Variants in CDK5RAP2 observed in about 807,000 individuals in gnomAD.
The protein encoded by CDK5RAP2 is CDK5 regulatory subunit-associated protein 2.
A neutral mutation model predicts 232.9 loss-of-function variants in CDK5RAP2; 147 were observed. That is an observed-to-expected ratio of 0.63 (90% confidence interval 0.55 to 0.72). CDK5RAP2 has a LOEUF of 0.72. Among genes scored for constraint, CDK5RAP2 ranks in the 30% least tolerant of loss-of-function variants. The probability of loss-of-function intolerance (pLI) is 0.00; values close to 1 mark genes in which losing one functional copy is unlikely to be tolerated. For missense variants in CDK5RAP2, 2,195 were observed against 2,231.5 expected, an observed-to-expected ratio of 0.98 and a Z score of 0.33; for synonymous variants, 833 against 833.7, an observed-to-expected ratio of 1.00 and a Z score of 0.01.
chr9:120,452,586 C>T (rs1042198562), intron 21 of CDK5RAP2, among the ~76,000 whole-genome samples: 1 of 151,712 alleles, frequency 6.6e-6, no homozygotes, highest in Admixed American at 6.6e-5. Flanking sequence ...GGATTCTTGG[C>T]CGTGGGGGGG....
At chr9:120,561,390 A>G (rs1424710970) in intron 3 of CDK5RAP2, among the ~76,000 whole-genome samples, 1 of 152,008 alleles carries the variant, frequency 6.6e-6, no homozygotes, top group Non-Finnish European at 1.5e-5. Context: ...TCAACCTCCC[A>G]GGCTCAAGCA....
intron 13 of CDK5RAP2, among the ~76,000 whole-genome samples, chr9:120,490,089 G>T (rs1022480418): frequency 3.3e-5 from 5 of 152,162 alleles, no homozygotes; most frequent in African/African-American, 1.2e-4. Context: ...TTTCAGGCGT[G>T]AGCCACCACG....
intron 25 of CDK5RAP2, among the ~76,000 whole-genome samples, chr9:120,432,440 G>A (rs1189361546): frequency 6.6e-6 from 1 of 151,904 alleles, no homozygotes; most frequent in Non-Finnish European, 1.5e-5. Flanking sequence ...TTTTTTAAAG[G>A]CTATATTTAA....
chr9:120,566,119 C>T (rs2042638171), intron 3 of CDK5RAP2, among the ~76,000 whole-genome samples: 1 of 152,174 alleles, frequency 6.6e-6, no homozygotes, highest in African/African-American at 2.4e-5. Context: ...AGTATCTCAG[C>T]CCCCTCCTTA....
At chr9:120,497,759 G>A (rs1033554269) in intron 12 of CDK5RAP2, among the ~76,000 whole-genome samples, 14 of 152,182 alleles carry the variant, frequency 9.2e-5, no homozygotes, top group African/African-American at 3.4e-4. Context: ...GCTGAGTGTT[G>A]GGAGAAGCTG....
chr9:120,456,934 T>C (rs769749298), intron 20 of CDK5RAP2, among the ~76,000 whole-genome samples: 6 of 152,238 alleles, frequency 3.9e-5, no homozygotes, highest in South Asian at 2.1e-4. Flanking sequence ...AAGCTATCAC[T>C]ATAAGCAGAA....
At chr9:120,513,156 T>C (rs908161628) in intron 12 of CDK5RAP2, among the ~76,000 whole-genome samples, 1 of 152,132 alleles carries the variant, frequency 6.6e-6, no homozygotes, top group Non-Finnish European at 1.5e-5. Flanking sequence ...AGCATCCCCA[T>C]TACAGAGAAA....
At chr9:120,390,908 A>G (rs2031893768) in intron 36 of CDK5RAP2, among the ~76,000 whole-genome samples, 1 of 152,166 alleles carries the variant, frequency 6.6e-6, no homozygotes, top group African/African-American at 2.4e-5. Flanking sequence ...AATCTGTGAC[A>G]CTGGGGACGG....
chr9:120,431,231 G>A (rs1056827311), intron 25 of CDK5RAP2, among the ~76,000 whole-genome samples: 1 of 152,142 alleles, frequency 6.6e-6, no homozygotes, highest in Non-Finnish European at 1.5e-5. Flanking sequence ...CCTGCACATT[G>A]CGCACATGTA....
chr9:120,418,362 A>T, intron 27 of CDK5RAP2, among the ~76,000 whole-genome samples: 1 of 152,346 alleles, frequency 6.6e-6, no homozygotes, highest in Non-Finnish European at 1.5e-5. Flanking sequence ...GGCAGCCAAG[A>T]GGGAGCAGAG....
intron 5 of CDK5RAP2, among the ~76,000 whole-genome samples, chr9:120,539,491 TAAAA>T (rs912345563): frequency 1.2e-4 from 18 of 152,344 alleles, no homozygotes; most frequent in African/African-American, 4.3e-4. Flanking sequence ...TGTCAATAAA[TAAAA>T]GTCTATATCA....
intron 28 of CDK5RAP2, among the ~76,000 whole-genome samples, chr9:120,413,682 T>C (rs2033995336): frequency 6.6e-6 from 1 of 152,248 alleles, no homozygotes; most frequent in Admixed American, 6.5e-5. Flanking sequence ...ATTCAGGCAT[T>C]ACCAAGAGTG....
At chr9:120,427,630 T>G (rs2034999669) in intron 25 of CDK5RAP2, among the ~76,000 whole-genome samples, 1 of 152,198 alleles carries the variant, frequency 6.6e-6, no homozygotes, top group East Asian at 1.9e-4. Flanking sequence ...AAATTTTGCT[T>G]CCACTTCAGG....
intron 12 of CDK5RAP2, among the ~76,000 whole-genome samples, chr9:120,513,332 C>T (rs1407106347): frequency 6.6e-6 from 1 of 152,182 alleles, no homozygotes. Flanking sequence ...CCTGTCAATC[C>T]TCTGACTGGC....
chr9:120,536,587 G>A (rs1428488499), intron 6 of CDK5RAP2, 61 bp from the exon 7 acceptor site: 1 of 1,466,042 alleles, frequency 6.8e-7, no homozygotes, highest in Non-Finnish European at 9.4e-7. Context: ...CATTTTGAAA[G>A]GAAATTGGAT....
chr9:120,533,797 TAAAAAAAAA>T (rs147527299), intron 7 of CDK5RAP2, among the ~76,000 whole-genome samples: 4 of 52,716 alleles, frequency 7.6e-5, no homozygotes, highest in Non-Finnish European at 1.4e-4. Flanking sequence ...AGACTCCATC[TAAAAAAAAA>T]AAAAAAAAAA....
intron 18 of CDK5RAP2, among the ~76,000 whole-genome samples, chr9:120,466,619 C>T (rs890049095): frequency 6.6e-6 from 1 of 152,088 alleles, no homozygotes; most frequent in Non-Finnish European, 1.5e-5. Flanking sequence ...GTGAAGAATG[C>T]TGCCTTGGAG....
At chr9:120,534,278 C>T (rs80270765) in intron 7 of CDK5RAP2, among the ~76,000 whole-genome samples, 1,632 of 152,272 alleles carry the variant, frequency 0.011, 30 homozygotes, top group African/African-American at 0.037. Context: ...TGCCATGTTC[C>T]TTCTTGCCTC....
chr9:120,542,838 T>A (rs2041693683), intron 5 of CDK5RAP2, among the ~76,000 whole-genome samples: 1 of 152,200 alleles, frequency 6.6e-6, no homozygotes, highest in African/African-American at 2.4e-5. Context: ...TAGAGTATTA[T>A]CATTCTGTAC....
Sources: gnomAD v4.1 joint callset for allele counts (sites outside exome capture counted in the v4.1 genomes callset) on GRCh38, gnomAD v4.1.1 for gene constraint, MANE v1.5 for transcripts, NCBI Gene and HGNC (gene_info 2026-07-23, HGNC 2026-07-21) for gene names.